Variants in TBRG1 observed in about 807,000 individuals in gnomAD.
TBRG1 encodes the protein transforming growth factor beta regulator 1, also known as nuclear interactor of ARF and MDM2.
In TBRG1, 31 loss-of-function variants were observed where a neutral mutation model predicts 44.0. The ratio of observed to expected loss-of-function variants is 0.70; its 90% CI spans 0.53 to 0.95. The LOEUF (loss-of-function observed/expected upper bound fraction) is 0.95. Ranked by LOEUF, TBRG1 falls within the 40% of genes least tolerant of loss-of-function variation. TBRG1 has a pLI of 0.00. For synonymous variants in TBRG1, 171 were observed against 188.1 expected (o/e 0.91, Z 0.74); for missense variants, 487 against 496.1 (o/e 0.98, Z 0.18).
chr11:124,625,898 T>C lies in TBRG1; in HGVS notation c.449T>C (p.Leu150Pro), dbSNP rs1173820601. Residue 150 changes from leucine to proline, a missense_variant, in exon 3 of 9, where the codon CTG becomes CCG. Coordinates refer to ENST00000441174, the MANE Select transcript of TBRG1 (RefSeq NM_032811.3). ...GAAAAAGGCAAAGAGAACAACAAACTGGAAGGTACTTTGGGGAGATGATAT... is the reference window on the plus strand; with the variant it reads ...GAAAAAGGCAAAGAGAACAACAAACCGGAAGGTACTTTGGGGAGATGATAT... ...KKEKGKENNK[L>P]EVLKKTCKKK... is the part of the protein sequence containing the mutation. 2.5e-6 allele frequency: 4 copies of C among 1,574,806 alleles called. No individual in the cohort carries two copies. Among genetic ancestry groups the C allele is most frequent in the South Asian group, 2.4e-5 (2 of 84,456 alleles).
chr11:124,627,155 A>G, intron 5 of TBRG1, 105 bp downstream of exon 5: 1 of 834,750 alleles, frequency 1.2e-6, no homozygotes, highest in Non-Finnish European at 1.9e-6. Context: ...TATAATCACC[A>G]TTTGGGTAAT....
chr11:124,625,107 G>A, intron 2 of TBRG1, 106 bp downstream of exon 2: 2 of 781,394 alleles, frequency 2.6e-6, no homozygotes, highest in Non-Finnish European at 4.2e-6. Context: ...TGGGATTGAT[G>A]CGTATCGCAC....
chr11:124,626,363 T>A (rs996142016), intron 3 of TBRG1, 110 bp from the exon 4 acceptor site: 1 of 991,352 alleles, frequency 1.0e-6, no homozygotes, highest in Non-Finnish European at 1.5e-6. Flanking sequence ...ATTCAGTAAG[T>A]ATATAAAACC....
intron 1 of TBRG1, 73 bp downstream of exon 1, chr11:124,623,306 C>G: frequency 6.7e-7 from 1 of 1,492,190 alleles, no homozygotes; most frequent in Non-Finnish European, 9.1e-7. Context: ...AGCTGTTCCC[C>G]CTTCCCAGTG....
In TBRG1 at chr11:124,626,940, G is replaced by A. The variant is rs758546717; in HGVS notation, c.628G>A (p.Ala210Thr). 11 of 1,605,942 alleles carry A rather than the reference G, an allele frequency of 6.8e-6. No individual in the cohort carries two copies. The South Asian group carries it at 1.2e-4, about 18-fold the overall frequency. Residue 210 changes from alanine to threonine, a missense_variant, in exon 5 of 9, where the codon GCC (alanine) becomes ACC (threonine). Coordinates refer to ENST00000441174, the MANE Select transcript of TBRG1 (RefSeq NM_032811.3). Reference sequence around the variant, plus strand: ...CCGACCTGGCTTTCATGATGAGAGTGCCATCTACCCCGTGGGCTATTGCAG... The same window carrying A: ...CCGACCTGGCTTTCATGATGAGAGTACCATCTACCCCGTGGGCTATTGCAG... ...TDRPGFHDES[A>T]IYPVGYCSTR...
In TBRG1 at chr11:124,632,496, G is replaced by A. The variant is rs1942637677; in HGVS notation, c.*258G>A. On this transcript the variant is annotated 3_prime_UTR_variant, in exon 9 of 9. Transcript: ENST00000441174. ...ATCTTTTTTGCTTAGCTCTGCCTGA[G>A]GTAAAGTAAACTTCAGCCTCTTATA... 6.4e-6 allele frequency: 2 copies of A among 313,970 alleles called. No homozygotes were observed. Among genetic ancestry groups the A allele is most frequent in the South Asian group, 8.7e-5 (2 of 23,100 alleles). The allele number at this position is 313,970 out of a possible 1,614,324, so 19.4% of individuals were successfully genotyped here. A position where few individuals can be genotyped will look rare whatever the true frequency, so the allele number is the denominator to read the frequency against.
In TBRG1 at chr11:124,626,917, G is replaced by T. The variant is rs199635205; in HGVS notation, c.605G>T (p.Arg202Leu). Residue 202 changes from arginine (R) to leucine (L), a missense_variant, in exon 5 of 9, where the codon CGA (arginine) becomes CTA (leucine). By Grantham distance (102) the Arg-to-Leu change is moderately radical. Coordinates refer to ENST00000441174, the MANE Select transcript of TBRG1 (RefSeq NM_032811.3). ...VYSLGEIITD[R>L]PGFHDESAIY... Reference sequence around the variant, plus strand: ...TGTTTTTTATAGATCATCACCGACCGACCTGGCTTTCATGATGAGAGTGCC... The same window carrying T: ...TGTTTTTTATAGATCATCACCGACCTACCTGGCTTTCATGATGAGAGTGCC... 6.2e-7 allele frequency: 1 copy of T among 1,605,996 alleles called. No individual in the cohort carries two copies. Among genetic ancestry groups the T allele is most frequent in the Admixed American group, 1.7e-5 (1 of 59,246 alleles).
At chr11:124,624,875 A>C (rs1228486366) in intron 1 of TBRG1, 56 bp from the exon 2 acceptor site, 1 of 1,168,934 alleles carries the variant, frequency 8.6e-7, no homozygotes, top group Non-Finnish European at 1.2e-6. Context: ...TTCCCAGCAT[A>C]ATAATGTGAT....
rs1239263726 is a variant in TBRG1 at position 124,634,645 on chromosome 11, A to G, written c.*2407A>G. 2 of 152,184 alleles carry G rather than the reference A, an allele frequency of 1.3e-5. No individual in the cohort carries two copies. Among genetic ancestry groups the G allele is most frequent in the African/African-American group, 4.8e-5 (2 of 41,434 alleles). The allele number at this position is 152,184 out of a possible 1,614,324, so 9.4% of individuals were successfully genotyped here. Reference sequence around the variant, plus strand: ...TACAGTATTATTTTAATAGTAGAAAATTGTTAAAAATCTATATGTCCATTA... The same window carrying G: ...TACAGTATTATTTTAATAGTAGAAAGTTGTTAAAAATCTATATGTCCATTA... On this transcript the variant is annotated 3_prime_UTR_variant, in exon 9 of 9. Coordinates refer to ENST00000441174, the MANE Select transcript of TBRG1 (RefSeq NM_032811.3).
intron 4 of TBRG1, 128 bp from the exon 5 acceptor site, chr11:124,626,769 CACAGCCT>C: frequency 6.8e-7 from 1 of 1,463,934 alleles, no homozygotes; most frequent in Non-Finnish European, 9.4e-7. Flanking sequence ...TTGTCTGCTA[CACAGCCT>C]ACTCTCTGTC....
intron 5 of TBRG1, among the ~76,000 whole-genome samples, chr11:124,628,927 C>A (rs960673714): frequency 6.6e-6 from 1 of 151,954 alleles, no homozygotes; most frequent in East Asian, 1.9e-4. Flanking sequence ...TTAGAAATAG[C>A]CTAAATACCT....
In TBRG1 at chr11:124,631,882, G is replaced by T. The variant is rs545646261; in HGVS notation, c.1091-211G>T. The T allele has an allele frequency of 1.1e-4, 58 of 513,644 alleles. No homozygotes were observed. The South Asian group carries it at 1.5e-3, about 13-fold the overall frequency. 31.8% of individuals were successfully genotyped at this position (513,644 alleles called of 1,614,324 possible). ...AATGGAATTGAAATTCTCACTCTTT[G>T]CCTAATATACTATATAACCCTAGGC... On this transcript the variant is annotated intron_variant, in intron 8 of 8. Transcript: ENST00000441174.
Position 124,630,379 on chromosome 11 carries a change from CTT to C in TBRG1, c.739-7_739-6del, listed in dbSNP as rs1591376474. ...AGGATTGATCTCATTGCTCGTTTGTCTTTCTCAGTTTGAAATTGTTCCTGAAG... is the reference window on the plus strand; with the variant it reads ...AGGATTGATCTCATTGCTCGTTTGTCTCTCAGTTTGAAATTGTTCCTGAAG... On this transcript the variant is annotated splice_polypyrimidine_tract_variant and splice_region_variant and intron_variant, in intron 5 of 8. Coordinates refer to ENST00000441174, the MANE Select transcript of TBRG1 (RefSeq NM_032811.3). 1.3e-6 allele frequency: 2 copies of C among 1,591,782 alleles called. No homozygotes were observed. Among genetic ancestry groups the C allele is most frequent in the Admixed American group, 3.3e-5 (2 of 59,988 alleles).
rs765312682 is a variant in TBRG1 at position 124,626,934 on chromosome 11, G to C, written c.622G>C (p.Glu208Gln). ...CACCGACCGACCTGGCTTTCATGAT[G>C]AGAGTGCCATCTACCCCGTGGGCTA... ...IITDRPGFHD[E>Q]SAIYPVGYCS... The change falls in exon 5 of 9, where the codon GAG (glutamate) becomes CAG (glutamine). Residue 208 changes from glutamate (E) to glutamine (Q), a missense_variant. Physicochemically the swap from Glu to Gln is conservative, Grantham distance 29. Coordinates refer to ENST00000441174, the MANE Select transcript of TBRG1 (RefSeq NM_032811.3). The C allele has an allele frequency of 6.2e-7, 1 of 1,606,430 alleles. No individual in the cohort carries two copies. Among genetic ancestry groups the C allele is most frequent in the South Asian group, 1.1e-5 (1 of 89,078 alleles).
In TBRG1 at chr11:124,628,090, TATATATATATATATATATATATATATAC is replaced by T. The variant is rs1178191605; in HGVS notation, c.738+1042_738+1069del. Among the ~76,000 whole-genome samples the T allele has an allele frequency of 2.3e-3, 180 of 79,266 alleles. 2 individuals carry two copies. The Middle Eastern group carries it at 0.046, about 20-fold the overall frequency. 52.0% of individuals were successfully genotyped at this position (79,266 alleles called of 152,430 possible). A position where few individuals can be genotyped will look rare whatever the true frequency, so the allele number is the denominator to read the frequency against. On this transcript the variant is annotated intron_variant, in intron 5 of 8. Transcript: ENST00000441174. ...TTATATATATATATATATATATATA[TATATATATATATATATATATATATATAC>T]ACACACACACACACACACACACACA...
chr11:124,625,583 A>G, intron 2 of TBRG1, 88 bp from the exon 3 acceptor site: 4 of 1,173,214 alleles, frequency 3.4e-6, no homozygotes, highest in Non-Finnish European at 4.8e-6. Flanking sequence ...TTTGTATATA[A>G]TTCTGGCTTT....
rs775164730 is a variant in TBRG1, at chr11:124,630,420, T to C, written c.771T>C (p.Asn257=). 1.4e-4 allele frequency: 223 copies of C among 1,613,850 alleles called. 3 individuals carry two copies. The South Asian group carries it at 1.8e-3, about 13-fold the overall frequency. Residue 257 remains asparagine (N), a synonymous_variant, in exon 6 of 9, where the codon AAT becomes AAC. Transcript: ENST00000441174. Reference sequence around the variant, plus strand: ...TTGTTCCTGAAGATGACCCCCAGAATGCCATTGTCAGCTCTTCTGCAGATG... The same window carrying C: ...TTGTTCCTGAAGATGACCCCCAGAACGCCATTGTCAGCTCTTCTGCAGATG... ...FEIVPEDDPQ[N]AIVSSSADAC...
chr11:124,626,858 ATTC>A (rs1381821408), intron 4 of TBRG1, 43 bp from the exon 5 acceptor site: 1 of 1,581,602 alleles, frequency 6.3e-7, no homozygotes, highest in African/African-American at 1.3e-5. Flanking sequence ...GGACTTCTAA[ATTC>A]TTCAGTGACC....
chr11:124,626,273 A>G (rs1442494640), intron 3 of TBRG1, among the ~76,000 whole-genome samples, 200 bp from the exon 4 acceptor site: 1 of 152,226 alleles, frequency 6.6e-6, no homozygotes, highest in Non-Finnish European at 1.5e-5. Context: ...CTTAAAAAGT[A>G]TAAGGCCTTT....
Sources: allele counts gnomAD v4.1 joint callset (sites outside exome capture counted in the v4.1 genomes callset), GRCh38; gene constraint gnomAD v4.1.1; transcripts MANE v1.5; gene names NCBI Gene and HGNC (gene_info 2026-07-23, HGNC 2026-07-21).